Variants in USP46 observed in about 807,000 individuals in gnomAD.
USP46 encodes the protein ubiquitin carboxyl-terminal hydrolase 46.
USP46 carries 12 observed loss-of-function variants against 44.4 expected under a neutral mutation model. The ratio of observed to expected loss-of-function variants is 0.27; its 90% CI spans 0.17 to 0.44. The LOEUF is 0.44. Among genes scored for constraint, USP46 ranks in the 20% least tolerant of loss-of-function variants. The probability of loss-of-function intolerance (pLI) is 1.00; values close to 1 mark genes in which losing one functional copy is unlikely to be tolerated. For synonymous variants in USP46, 155 were observed against 161.5 expected, an observed-to-expected ratio of 0.96 and a Z score of 0.31; for missense variants, 248 against 444.8, an observed-to-expected ratio of 0.56 and a Z score of 3.98.
chr4:52,629,741 A>G, intron 2 of USP46: 1 of 456,210 alleles, frequency 2.2e-6, no homozygotes, highest in Non-Finnish European at 4.4e-6. Flanking sequence ...TCTCAGCTTC[A>G]TGTCAGGGTT....
intron 1 of USP46, among the ~76,000 whole-genome samples, chr4:52,647,770 T>C (rs1204870579): frequency 6.6e-5 from 10 of 152,204 alleles, no homozygotes; most frequent in Admixed American, 6.5e-4. Context: ...ATAACACACA[T>C]GCTCGTCTTC....
chr4:52,653,287 C>A (rs1278434700), intron 1 of USP46, among the ~76,000 whole-genome samples: 1 of 151,940 alleles, frequency 6.6e-6, no homozygotes, highest in Non-Finnish European at 1.5e-5. Context: ...GGGCGGATCA[C>A]CTGAGGTCAG....
rs1716133624 is a variant in USP46 at position 52,594,155 on chromosome 4, T to C, written c.*3485A>G. ...CCATGTGTGTAGCATTACCCGGATA[T>C]AATTCTCTAGAAAGAGAATTCCCAT... On this transcript the variant is annotated 3_prime_UTR_variant, in exon 9 of 9. Transcript: ENST00000441222. 1 of 152,240 alleles carries C rather than the reference T, an allele frequency of 6.6e-6. No individual in the cohort carries two copies. Among genetic ancestry groups the C allele is most frequent in the Non-Finnish European group, 1.5e-5 (1 of 68,044 alleles). 9.4% of individuals were successfully genotyped at this position (152,240 alleles called of 1,614,324 possible). A position where few individuals can be genotyped will look rare whatever the true frequency, so the allele number is the denominator to read the frequency against.
rs896950506 is a variant in USP46 at position 52,593,998 on chromosome 4, G to A, written c.*3642C>T. ...GAACATTGATTTTTATCAACCTTGA[G>A]AGTAATACTGCCTTTATATATTATA... On this transcript the variant is annotated 3_prime_UTR_variant, in exon 9 of 9. Coordinates refer to ENST00000441222, the MANE Select transcript of USP46 (RefSeq NM_022832.4). 3.3e-5 allele frequency: 5 copies of A among 152,182 alleles called. No individual in the cohort carries two copies. Among genetic ancestry groups the A allele is most frequent in the African/African-American group, 1.2e-4 (5 of 41,432 alleles). 9.4% of individuals were successfully genotyped at this position (152,182 alleles called of 1,614,324 possible).
intron 5 of USP46, among the ~76,000 whole-genome samples, chr4:52,604,930 C>A (rs1716628201): frequency 1.3e-5 from 2 of 152,096 alleles, no homozygotes; most frequent in South Asian, 4.1e-4. Flanking sequence ...ATGGAGAATA[C>A]CTATAAGCTA....
intron 4 of USP46, among the ~76,000 whole-genome samples, chr4:52,610,882 C>T (rs1293459190): frequency 6.6e-6 from 1 of 152,204 alleles, no homozygotes; most frequent in African/African-American, 2.4e-5. Flanking sequence ...CTCTTCCTCT[C>T]CATTCATTTT....
chr4:52,631,831 T>C (rs1030678000), intron 1 of USP46, among the ~76,000 whole-genome samples: 3 of 151,802 alleles, frequency 2.0e-5, no homozygotes, highest in African/African-American at 7.3e-5. Flanking sequence ...CATGGTAAAA[T>C]CCCATCTCTA....
intron 1 of USP46, among the ~76,000 whole-genome samples, chr4:52,641,878 G>A (rs1180487130): frequency 6.6e-6 from 1 of 152,218 alleles, no homozygotes; most frequent in Non-Finnish European, 1.5e-5. Flanking sequence ...TAAGTACATA[G>A]AGAATAAGTC....
chr4:52,610,431 C>T (rs2109607201), intron 5 of USP46, 110 bp downstream of exon 5: 2 of 906,228 alleles, frequency 2.2e-6, no homozygotes, highest in East Asian at 2.6e-5. Flanking sequence ...ATAATAGGAT[C>T]ATATTGGTTT....
intron 1 of USP46, among the ~76,000 whole-genome samples, chr4:52,656,770 G>A (rs973731353): frequency 1.3e-5 from 2 of 151,798 alleles, no homozygotes; most frequent in Non-Finnish European, 2.9e-5. Context: ...GCCGGGTATG[G>A]TGGCTCACGG....
intron 7 of USP46, 47 bp from the exon 8 acceptor site, chr4:52,598,753 C>T (rs1716342649): frequency 6.6e-7 from 1 of 1,516,608 alleles, no homozygotes; most frequent in Non-Finnish European, 9.0e-7. Context: ...ACATTTATCT[C>T]TTTATAAAAC....
At chr4:52,632,906 GAAAGAAAGAAAGA>G (rs1560405688) in intron 1 of USP46, among the ~76,000 whole-genome samples, 14 of 99,260 alleles carry the variant, frequency 1.4e-4, no homozygotes, top group Non-Finnish European at 2.3e-4. Context: ...AAGGGAAAGA[GAAAGAAAGAAAGA>G]GAAAGAAAGA....
intron 6 of USP46, among the ~76,000 whole-genome samples, chr4:52,603,327 G>A (rs767112558): frequency 5.9e-5 from 9 of 152,212 alleles, no homozygotes; most frequent in African/African-American, 1.7e-4. Context: ...CTACCTCCTT[G>A]AGGACTGCCC....
chr4:52,601,135 C>A (rs929618232), intron 7 of USP46, among the ~76,000 whole-genome samples: 2 of 152,200 alleles, frequency 1.3e-5, no homozygotes, highest in African/African-American at 4.8e-5. Context: ...CTATGACATG[C>A]CCCAATCTAA....
At chr4:52,618,813 T>C (rs1464737688) in intron 4 of USP46, among the ~76,000 whole-genome samples, 2 of 152,198 alleles carry the variant, frequency 1.3e-5, no homozygotes, top group Admixed American at 6.5e-5. Context: ...GCCCTACTCC[T>C]ATCTGCGAAA....
At chr4:52,624,866 A>G (rs1717515343) in intron 4 of USP46, among the ~76,000 whole-genome samples, 1 of 152,226 alleles carries the variant, frequency 6.6e-6, no homozygotes, top group African/African-American at 2.4e-5. Context: ...TGCAAGGCAG[A>G]AAGAAGGTCC....
intron 4 of USP46, among the ~76,000 whole-genome samples, chr4:52,617,936 G>A (rs185900422): frequency 2.5e-4 from 38 of 152,184 alleles, no homozygotes; most frequent in African/African-American, 8.7e-4. Context: ...TTTGAGCATG[G>A]AGGTCTCTCA....
At chr4:52,598,857 A>G (rs561758961) in intron 7 of USP46, among the ~76,000 whole-genome samples, 151 bp from the exon 8 acceptor site, 100 of 152,360 alleles carry the variant, frequency 6.6e-4, no homozygotes, top group African/African-American at 2.4e-3. Flanking sequence ...CTATGTTTAC[A>G]ACACCATGCT....
chr4:52,636,740 T>G (rs949955555), intron 1 of USP46, among the ~76,000 whole-genome samples: 38 of 149,900 alleles, frequency 2.5e-4, no homozygotes, highest in African/African-American at 9.3e-4. Flanking sequence ...GACACTAAGT[T>G]AATGGTAATT....
Sources: allele counts gnomAD v4.1 joint callset (sites outside exome capture counted in the v4.1 genomes callset), GRCh38; gene constraint gnomAD v4.1.1; transcripts MANE v1.5; gene names NCBI Gene and HGNC (gene_info 2026-07-23, HGNC 2026-07-21).